The following BBX variants were observed in gnomAD, a reference collection of about 807,000 sequenced individuals.
The protein encoded by BBX is BBX high mobility group box domain containing, also known as HMG box transcription factor BBX.
In BBX, 30 loss-of-function variants were observed where a neutral mutation model predicts 100.2. The observed-to-expected ratio is 0.30, with a 90% CI of 0.22 to 0.41. The LOEUF (loss-of-function observed/expected upper bound fraction) is 0.41. BBX is among the 10% of genes least tolerant of loss of function. BBX has a pLI of 1.00. For missense variants in BBX, 1,023 were observed against 1,129.8 expected (o/e 0.91, Z 1.35); for synonymous variants, 376 against 388.1 (o/e 0.97, Z 0.37).
At chr3:107,775,864 T>C (rs570195592) in intron 12 of BBX, among the ~76,000 whole-genome samples, 67 of 152,276 alleles carry the variant, frequency 4.4e-4, no homozygotes, top group African/African-American at 1.6e-3. Flanking sequence ...ATTGAAATGA[T>C]ATATTTATAA....
intron 16 of BBX, among the ~76,000 whole-genome samples, 170 bp from the exon 17 acceptor site, chr3:107,800,925 T>G (rs1167327694): frequency 6.6e-6 from 1 of 152,232 alleles, no homozygotes; most frequent in Non-Finnish European, 1.5e-5. Flanking sequence ...TAAAAGAGCT[T>G]TGTTACTGAG....
chr3:107,773,090 A>G lies in BBX; in HGVS notation c.1369A>G (p.Ser457Gly). The G allele has an allele frequency of 6.2e-7, 1 of 1,613,248 alleles. No individual in the cohort carries two copies. ...AAAGCTAAAAAAGAAAAAGAAGAAA[A>G]GCAAAATGGATCGACATGGAAATGA... ...PEKLKKKKKKSKMDRHGNDKS... is the reference protein window; with the variant it reads ...PEKLKKKKKKGKMDRHGNDKS... The change falls in exon 11 of 18, where the codon AGC (serine) becomes GGC (glycine). Residue 457 changes from serine to glycine, a missense_variant. Around this residue, in one of 9 missense-constraint regions of BBX, gnomAD observed 348 missense variants for 353.2 expected, o/e 0.99. Transcript: ENST00000325805. The surrounding 1 kb of genome is among the most constrained non-coding windows in gnomAD (Gnocchi z 4.1).
At chr3:107,771,796 G>A (rs2066928586) in intron 10 of BBX, among the ~76,000 whole-genome samples, 1 of 152,134 alleles carries the variant, frequency 6.6e-6, no homozygotes, top group Middle Eastern at 3.2e-3. Context: ...TTCTGTAATT[G>A]TTTAGCAAAT....
Position 107,769,016 on chromosome 3 carries a change from G to T in BBX, c.907-3612G>T, listed in dbSNP as rs933965183. ...CTCTACGGGTGGGGGGCGGCGGGGG[G>T]GGGGAGCCGGGCATAGTGGCATGAA... On this transcript the variant is annotated intron_variant, in intron 10 of 17. Transcript: ENST00000325805. Among the ~76,000 whole-genome samples, 15 of 150,452 alleles carry T rather than the reference G, an allele frequency of 1.0e-4. No individual in the cohort carries two copies. The East Asian group carries it at 2.4e-3, about 24-fold the overall frequency.
At chr3:107,765,941 A>G (rs2107737974) in intron 10 of BBX, among the ~76,000 whole-genome samples, 1 of 152,336 alleles carries the variant, frequency 6.6e-6, no homozygotes, top group East Asian at 1.9e-4. Flanking sequence ...TTTATTTGTA[A>G]TGATTTTCAT....
intron 3 of BBX, among the ~76,000 whole-genome samples, chr3:107,695,561 G>T (rs1306425266): frequency 2.9e-4 from 44 of 149,558 alleles, no homozygotes; most frequent in Admixed American, 1.2e-3. Flanking sequence ...GTCTGAGAGA[G>T]AGTTTGTTAT....
At chr3:107,697,740 T>G (rs4855762) in intron 3 of BBX, among the ~76,000 whole-genome samples, 12 of 151,546 alleles carry the variant, frequency 7.9e-5, no homozygotes, top group African/African-American at 2.4e-4. Context: ...TCGAGCTTCC[T>G]GGCTGCTTTG....
intron 2 of BBX, among the ~76,000 whole-genome samples, chr3:107,617,931 G>A (rs2055419861): frequency 6.6e-6 from 1 of 151,862 alleles, no homozygotes; most frequent in South Asian, 2.1e-4. Context: ...GTGAATAAGA[G>A]TAATGAGACT....
At chr3:107,737,004 T>G (rs1014762607) in intron 7 of BBX, among the ~76,000 whole-genome samples, 2 of 152,088 alleles carry the variant, frequency 1.3e-5, no homozygotes, top group Non-Finnish European at 2.9e-5. Context: ...GAATGCCTGT[T>G]TTGTTGGAGC....
At chr3:107,666,149 G>C (rs900599395) in intron 3 of BBX, among the ~76,000 whole-genome samples, 4 of 152,334 alleles carry the variant, frequency 2.6e-5, no homozygotes, top group Non-Finnish European at 5.9e-5. Flanking sequence ...AGAGGCAAAA[G>C]ATGCCAGAGA....
chr3:107,794,100 G>A (rs1391153985), intron 15 of BBX, among the ~76,000 whole-genome samples: 1 of 152,080 alleles, frequency 6.6e-6, no homozygotes, highest in African/African-American at 2.4e-5. Flanking sequence ...TAGTTATGGT[G>A]CCATATGCTC....
At chr3:107,761,909 T>G (rs946166976) in intron 10 of BBX, among the ~76,000 whole-genome samples, 9 of 152,328 alleles carry the variant, frequency 5.9e-5, no homozygotes, top group African/African-American at 2.2e-4. Flanking sequence ...TGTCTTCATA[T>G]TATTGATGTG....
intron 3 of BBX, among the ~76,000 whole-genome samples, chr3:107,691,906 C>T (rs1449054739): frequency 1.3e-5 from 2 of 152,034 alleles, no homozygotes; most frequent in East Asian, 1.9e-4. Flanking sequence ...ATAAGAAATA[C>T]GTATTCTTTT....
chr3:107,655,495 T>A (rs2058077716), intron 3 of BBX, among the ~76,000 whole-genome samples: 1 of 148,610 alleles, frequency 6.7e-6, no homozygotes, highest in African/African-American at 2.5e-5. Flanking sequence ...TATGGGAACT[T>A]AAAGTATGAT....
intron 2 of BBX, among the ~76,000 whole-genome samples, chr3:107,572,677 AC>A (rs1195179080): frequency 6.6e-6 from 1 of 152,204 alleles, no homozygotes; most frequent in Non-Finnish European, 1.5e-5. Flanking sequence ...TAAATTATCA[AC>A]CCTCAAATAA....
At chr3:107,586,592 A>G (rs1277897500) in intron 2 of BBX, among the ~76,000 whole-genome samples, 2 of 152,340 alleles carry the variant, frequency 1.3e-5, no homozygotes, top group South Asian at 4.1e-4. Context: ...GCCATGAAAT[A>G]TACCTAAAAT....
In BBX at chr3:107,811,035, GTAA is replaced by G. The variant is rs2071264629; in HGVS notation, c.*5579_*5581del. On this transcript the variant is annotated 3_prime_UTR_variant, in exon 18 of 18. Transcript: ENST00000325805. ...TATTGCTTTCTTAGATGTATGTGTA[GTAA>G]AAGTCAATATACACATTTATATAAT... is the stretch of plus-strand genomic sequence containing the variant. 6.6e-6 allele frequency: 1 copy of G among 152,010 alleles called. No individual in the cohort carries two copies. Among genetic ancestry groups the G allele is most frequent in the South Asian group, 2.1e-4 (1 of 4,818 alleles). 9.4% of individuals were successfully genotyped at this position (152,010 alleles called of 1,614,324 possible).
At chr3:107,556,800 T>A (rs532709805) in intron 2 of BBX, among the ~76,000 whole-genome samples, 7 of 152,260 alleles carry the variant, frequency 4.6e-5, no homozygotes, top group African/African-American at 1.4e-4. Flanking sequence ...ATCAGAGGGA[T>A]CTTTGGGTTT....
intron 7 of BBX, among the ~76,000 whole-genome samples, chr3:107,735,135 C>G (rs750362645): frequency 2.0e-5 from 3 of 152,054 alleles, no homozygotes; most frequent in Non-Finnish European, 4.4e-5. Flanking sequence ...AATGCTGTCT[C>G]TAAATATAGG....
Sources: gnomAD v4.1 joint callset for allele counts (sites outside exome capture counted in the v4.1 genomes callset) on GRCh38, gnomAD v4.1.1 for gene constraint, gnomAD v4.1.1 regional missense constraint, Gnocchi (gnomAD v3.1) non-coding constraint, MANE v1.5 for transcripts, NCBI Gene and HGNC (gene_info 2026-07-23, HGNC 2026-07-21) for gene names.